COQ8B: variants seen among roughly 807,000 people sequenced by gnomAD.
The protein encoded by COQ8B is coenzyme Q8B.
Under a neutral mutation model 62.0 loss-of-function variants are expected in COQ8B, and 44 were observed. That is an observed-to-expected ratio of 0.71 (90% CI 0.56 to 0.91). The LOEUF (loss-of-function observed/expected upper bound fraction) is 0.91. Ranked by LOEUF, COQ8B falls within the 40% of genes least tolerant of loss-of-function variation. The pLI is 0.00. For missense variants in COQ8B, 649 were observed against 731.6 expected, an observed-to-expected ratio of 0.89 and a Z score of 1.30; for synonymous variants, 252 against 289.9, an observed-to-expected ratio of 0.87 and a Z score of 1.33.
chr19:40,703,105 G>A (rs1435236726), intron 9 of COQ8B, among the ~76,000 whole-genome samples: 1 of 151,996 alleles, frequency 6.6e-6, no homozygotes, highest in East Asian at 1.9e-4. Flanking sequence ...TTTTCATACT[G>A]ACTCTCACGT....
At chr19:40,697,435 A>G (rs1483214130) in intron 12 of COQ8B, among the ~76,000 whole-genome samples, 1 of 152,148 alleles carries the variant, frequency 6.6e-6, no homozygotes, top group Non-Finnish European at 1.5e-5. Context: ...TTTGTGCTCA[A>G]TGAACACCTG....
At position 40,705,419 on chromosome 19, in the gene COQ8B, G is replaced by A; in HGVS notation, c.396C>T (p.Pro132=). The stretch of plus-strand genomic sequence containing the variant: ...GCTCGGCATTGGCCTCCGACAGGAA[G>A]GGGCTGGAGTCCAGCCCAGAACCAC... The part of the protein sequence containing the change: ...SEGGSGLDSS[P]FLSEANAERI... Residue 132 remains proline, a synonymous_variant, in exon 6 of 15, where the codon CCC becomes CCT. Transcript: ENST00000324464. The A allele has an allele frequency of 2.5e-6, 4 of 1,589,040 alleles. No individual in the cohort carries two copies. The highest frequency in any genetic ancestry group is 3.4e-6 in the Non-Finnish European group (4 of 1,161,388).
At position 40,697,822 on chromosome 19, in the gene COQ8B, T is replaced by TTATATATATA. The variant is rs66501221; in HGVS notation, c.1144-1778_1144-1769dup. 1.2e-3 allele frequency among the ~76,000 whole-genome samples: 97 copies of TTATATATATA among 79,054 alleles called. 1 individual carries two copies. The highest frequency in any genetic ancestry group is 2.3e-3 in the African/African-American group (38 of 16,568). The allele number at this position is 79,054 out of a possible 152,430, so 51.9% of individuals were successfully genotyped here. A position where few individuals can be genotyped will look rare whatever the true frequency, so the allele number is the denominator to read the frequency against. ...TCTCTAAACAAACAAATAAATAAAA[T>TTATATATATA]TATATATATATATATATATATATAT... On this transcript the variant is annotated intron_variant, in intron 12 of 14. Transcript: ENST00000324464.
chr19:40,698,311 G>A, intron 12 of COQ8B, among the ~76,000 whole-genome samples: 1 of 150,984 alleles, frequency 6.6e-6, no homozygotes, highest in Admixed American at 6.6e-5. Context: ...AAAAAGTGCT[G>A]GTGGATCATG....
rs757282871 is a variant in COQ8B at position 40,703,842 on chromosome 19, T to C, written c.590A>G (p.Glu197Gly). ...GGCCTGCCAGTCCCTGCCGAGCTCC[T>C]CTTCAAGAACTCTCTGCGGGGAGTG... ...PRWQMLRVLE[E>G]ELGRDWQAKV... Residue 197 changes from glutamate to glycine, a missense_variant, in exon 8 of 15, where the codon GAG becomes GGG. Transcript: ENST00000324464. The C allele has an allele frequency of 6.2e-7, 1 of 1,611,194 alleles. No individual in the cohort carries two copies. The highest frequency in any genetic ancestry group is 8.5e-7 in the Non-Finnish European group (1 of 1,177,900).
At chr19:40,702,365 C>A (rs1214593759) in intron 10 of COQ8B, among the ~76,000 whole-genome samples, 1 of 152,116 alleles carries the variant, frequency 6.6e-6, no homozygotes, top group Non-Finnish European at 1.5e-5. Flanking sequence ...AGTGGATATG[C>A]GGCCCATCTG....
chr19:40,709,639 T>G (rs1314661970), intron 5 of COQ8B, among the ~76,000 whole-genome samples: 1 of 151,750 alleles, frequency 6.6e-6, no homozygotes, highest in African/African-American at 2.4e-5. Flanking sequence ...AGGTCAGGAG[T>G]TGAAGACCAG....
At chr19:40,712,924 G>A (rs1047637025) in intron 4 of COQ8B, among the ~76,000 whole-genome samples, 2 of 152,184 alleles carry the variant, frequency 1.3e-5, no homozygotes, top group African/African-American at 4.8e-5. Flanking sequence ...CTCAGTAAAT[G>A]TTATTATGGC....
chr19:40,713,281 G>A (rs1568443906), intron 4 of COQ8B, among the ~76,000 whole-genome samples: 1 of 152,126 alleles, frequency 6.6e-6, no homozygotes. Context: ...GAGGCAGGCG[G>A]ATCACAAAGC....
At position 40,708,777 on chromosome 19, in the gene COQ8B, A is replaced by T. The variant is rs904499178; in HGVS notation, c.367+1282T>A. 7.2e-5 allele frequency among the ~76,000 whole-genome samples: 11 copies of T among 152,146 alleles called. 1 individual carries two copies. The highest frequency in any genetic ancestry group is 2.0e-4 in the Admixed American group (3 of 15,260). ...ACCTTCTCTCTACAAAAAATACAAA[A>T]AATTAGCCAGGCGTGGTGGCACGTG... On this transcript the variant is annotated intron_variant, in intron 5 of 14. Transcript: ENST00000324464.
At chr19:40,713,306 G>A (rs1489823381) in intron 4 of COQ8B, among the ~76,000 whole-genome samples, 1 of 152,204 alleles carries the variant, frequency 6.6e-6, no homozygotes, top group Non-Finnish European at 1.5e-5. Context: ...ACATAGCAGA[G>A]TCATCCCTTG....
At chr19:40,707,454 G>A (rs1022018113) in intron 5 of COQ8B, among the ~76,000 whole-genome samples, 1 of 148,928 alleles carries the variant, frequency 6.7e-6, no homozygotes, top group Non-Finnish European at 1.5e-5. Flanking sequence ...CTTTTACTTA[G>A]TGTTTTTTTT....
intron 6 of COQ8B, 62 bp from the exon 7 acceptor site, chr19:40,705,243 G>A (rs1226025017): frequency 1.0e-5 from 16 of 1,595,490 alleles, no homozygotes; most frequent in Non-Finnish European, 1.4e-5. Flanking sequence ...CCCCGTGTGA[G>A]TATCTGAAGT....
chr19:40,707,757 AC>A (rs2082111924), intron 5 of COQ8B, among the ~76,000 whole-genome samples: 1 of 152,156 alleles, frequency 6.6e-6, no homozygotes, highest in Non-Finnish European at 1.5e-5. Context: ...AACCGGCCTC[AC>A]TTAGTGTTTT....
At chr19:40,703,308 C>G in intron 9 of COQ8B, 1 of 530,246 alleles carries the variant, frequency 1.9e-6, no homozygotes, top group South Asian at 2.5e-5. Context: ...GCTGCTGTAT[C>G]TTGGCCCTGG....
At chr19:40,703,657 G>C in intron 8 of COQ8B, 35 bp from the exon 9 acceptor site, 1 of 1,613,614 alleles carries the variant, frequency 6.2e-7, no homozygotes, top group East Asian at 2.2e-5. Flanking sequence ...GAAGGTGGGA[G>C]TCACTTCTCT....
At chr19:40,709,834 T>C (rs1224537396) in intron 5 of COQ8B, among the ~76,000 whole-genome samples, 1 of 151,836 alleles carries the variant, frequency 6.6e-6, no homozygotes, top group Non-Finnish European at 1.5e-5. Context: ...AGAGTGAGAC[T>C]CCATCTCAAA....
At chr19:40,704,522 T>C (rs1215132536) in intron 7 of COQ8B, 1 of 153,248 alleles carries the variant, frequency 6.5e-6, no homozygotes, top group African/African-American at 2.4e-5. Flanking sequence ...AGCTAAAATT[T>C]ACAATGGGCT....
At chr19:40,703,483 T>C (rs2082077076) in intron 9 of COQ8B, 58 bp downstream of exon 9, 1 of 1,505,600 alleles carries the variant, frequency 6.6e-7, no homozygotes, top group Admixed American at 2.2e-5. Context: ...CCTCCTGCTT[T>C]CTCTCTCTGG....
Sources: gnomAD v4.1 joint callset for allele counts (sites outside exome capture counted in the v4.1 genomes callset) on GRCh38, gnomAD v4.1.1 for gene constraint, MANE v1.5 for transcripts, NCBI Gene and HGNC (gene_info 2026-07-23, HGNC 2026-07-21) for gene names.